Variants in NTRK3 observed in about 807,000 individuals in gnomAD.
NTRK3 encodes the protein NT-3 growth factor receptor.
In NTRK3, 24 loss-of-function variants were observed where a neutral mutation model predicts 91.7. The observed-to-expected ratio is 0.26, with a 90% CI of 0.19 to 0.37. The LOEUF is 0.37. NTRK3 is among the 10% of genes least tolerant of loss of function. The pLI, the probability that NTRK3 is intolerant of heterozygous loss-of-function variation, is 1.00. For synonymous variants in NTRK3, 483 were observed against 404.0 expected (o/e 1.20, Z -2.34); for missense variants, 880 against 1,068.9 (o/e 0.82, Z 2.46).
At chr15:87,955,460 G>A (rs2071559715) in intron 14 of NTRK3, among the ~76,000 whole-genome samples, 2 of 152,240 alleles carry the variant, frequency 1.3e-5, no homozygotes, top group African/African-American at 4.8e-5. Flanking sequence ...CAGGGAACCT[G>A]GAGGGCAGCC....
At chr15:87,980,549 GTGTA>G (rs1486829898) in intron 14 of NTRK3, among the ~76,000 whole-genome samples, 2 of 152,198 alleles carry the variant, frequency 1.3e-5, no homozygotes, top group Non-Finnish European at 2.9e-5. Flanking sequence ...GTGTTTGAAT[GTGTA>G]TGTGTGTGTG....
chr15:87,900,579 T>C (rs934683937), intron 17 of NTRK3, among the ~76,000 whole-genome samples: 3 of 152,156 alleles, frequency 2.0e-5, no homozygotes, highest in Non-Finnish European at 4.4e-5. Flanking sequence ...TGCTCAAAAA[T>C]TGCATGAGCA....
At position 88,243,536 on chromosome 15, in the gene NTRK3, G is replaced by GCACA. The variant is rs4034771; in HGVS notation, c.248+12366_248+12369dup. Among the ~76,000 whole-genome samples the GCACA allele has an allele frequency of 0.019, 2,758 of 145,866 alleles. 52 individuals are homozygous for GCACA. The highest frequency in any genetic ancestry group is 0.055 in the African/African-American group (2,126 of 38,412). ...CACTTGATCCCATCCCCCATAGCAT[G>GCACA]CACACACACACACACACACACACAC... On this transcript the variant is annotated intron_variant, in intron 3 of 18. Transcript: ENST00000394480. This position sits in a 1 kb window ranked among gnomAD's most constrained non-coding sequence, Gnocchi z 4.8.
chr15:87,931,826 T>C (rs1374867077), intron 16 of NTRK3, among the ~76,000 whole-genome samples: 1 of 152,234 alleles, frequency 6.6e-6, no homozygotes, highest in Non-Finnish European at 1.5e-5. Context: ...AATGTCCCAC[T>C]TCAAGAGGAT....
intron 13 of NTRK3, among the ~76,000 whole-genome samples, chr15:88,084,502 G>A (rs1326695497): frequency 6.6e-6 from 1 of 152,206 alleles, no homozygotes; most frequent in Non-Finnish European, 1.5e-5. Context: ...GCTGCAAGCA[G>A]GTTCCTCTGG....
intron 3 of NTRK3, among the ~76,000 whole-genome samples, chr15:88,189,371 G>C (rs184481327): frequency 6.6e-6 from 1 of 152,176 alleles, no homozygotes; most frequent in East Asian, 1.9e-4. Flanking sequence ...ATACATTCAT[G>C]GGGACTACAA....
At chr15:87,980,680 T>C (rs1281902840) in intron 14 of NTRK3, among the ~76,000 whole-genome samples, 1 of 152,128 alleles carries the variant, frequency 6.6e-6, no homozygotes, top group African/African-American at 2.4e-5. Context: ...CAAAATTTGA[T>C]TGCATTGAGA....
chr15:88,011,780 C>T (rs1177512226), intron 14 of NTRK3, among the ~76,000 whole-genome samples: 1 of 152,164 alleles, frequency 6.6e-6, no homozygotes, highest in African/African-American at 2.4e-5. Flanking sequence ...GTCTGCACAG[C>T]CAGATACTGC....
chr15:88,029,477 A>G (rs148056769), intron 14 of NTRK3, among the ~76,000 whole-genome samples: 8 of 152,354 alleles, frequency 5.3e-5, no homozygotes, highest in African/African-American at 1.2e-4. Flanking sequence ...TAATAAATAC[A>G]TAAGTACAGA....
At position 88,256,497 on chromosome 15, in the gene NTRK3, T is replaced by G. The variant is rs2054068620; in HGVS notation, c.-218-11A>C. 1 of 508,526 alleles carries G rather than the reference T, an allele frequency of 2.0e-6. No homozygotes were observed. Among genetic ancestry groups the G allele is most frequent in the African/African-American group, 2.1e-5 (1 of 46,904 alleles). The allele number at this position is 508,526 out of a possible 1,614,324, so 31.5% of individuals were successfully genotyped here. ...TCTCCGACTCCGAGACTTTGCAGGG[T>G]TGCAACAGACGGTGGGGAGGCAAAA... On this transcript the variant is annotated splice_polypyrimidine_tract_variant and intron_variant, in intron 1 of 18. Coordinates refer to ENST00000394480, the Ensembl canonical transcript of NTRK3.
intron 5 of NTRK3, among the ~76,000 whole-genome samples, chr15:88,159,221 C>T (rs1393324730): frequency 6.6e-6 from 1 of 152,238 alleles, no homozygotes; most frequent in Non-Finnish European, 1.5e-5. Context: ...ATCTATGACT[C>T]TCTTAAAAAC....
chr15:87,981,280 T>C, intron 14 of NTRK3: 2 of 1,592,274 alleles, frequency 1.3e-6, no homozygotes, highest in East Asian at 2.2e-5. Context: ...TCCTCATATA[T>C]ATAGTGAGTT....
exon 17 of NTRK3, chr15:87,929,312 G>A (rs2068589613): frequency 6.2e-7 from 1 of 1,613,910 alleles, no homozygotes; most frequent in Admixed American, 1.7e-5. Flanking sequence ...GTGCTGGGAG[G>A]CCAGGTACAC....
intron 14 of NTRK3, among the ~76,000 whole-genome samples, chr15:87,986,097 C>A (rs2074754061): frequency 6.6e-6 from 1 of 152,220 alleles, no homozygotes; most frequent in Admixed American, 6.5e-5. Flanking sequence ...TCTCAGAATT[C>A]ACTAAATAAG....
chr15:88,221,175 A>T (rs2050200251), intron 3 of NTRK3, among the ~76,000 whole-genome samples: 1 of 152,246 alleles, frequency 6.6e-6, no homozygotes, highest in Non-Finnish European at 1.5e-5. Flanking sequence ...AAGTCTGGAA[A>T]AACTGAAAAC....
At chr15:87,968,068 A>G (rs1033527431) in intron 14 of NTRK3, among the ~76,000 whole-genome samples, 1 of 152,188 alleles carries the variant, frequency 6.6e-6, no homozygotes, top group Non-Finnish European at 1.5e-5. Flanking sequence ...TTTCCCAGCA[A>G]TAGTAAGATA....
chr15:88,120,513 G>C (rs2052587203), intron 13 of NTRK3, among the ~76,000 whole-genome samples: 1 of 152,218 alleles, frequency 6.6e-6, no homozygotes, highest in Non-Finnish European at 1.5e-5. Context: ...CCAAGCAGCA[G>C]TTCTTGATGC....
chr15:88,052,197 T>G (rs1252428395), intron 13 of NTRK3, among the ~76,000 whole-genome samples: 2 of 152,222 alleles, frequency 1.3e-5, no homozygotes, highest in East Asian at 3.8e-4. Context: ...ACATCTAAAA[T>G]AGCTCCAAGA....
At chr15:88,016,946 A>G (rs2077273430) in intron 14 of NTRK3, among the ~76,000 whole-genome samples, 1 of 142,292 alleles carries the variant, frequency 7.0e-6, no homozygotes, top group South Asian at 2.4e-4. Flanking sequence ...AAAATGGAAG[A>G]GACGAAGCTT....
Sources: gnomAD v4.1 joint callset for allele counts (sites outside exome capture counted in the v4.1 genomes callset) on GRCh38, gnomAD v4.1.1 for gene constraint, Gnocchi (gnomAD v3.1) non-coding constraint, MANE v1.5 for transcripts, NCBI Gene and HGNC (gene_info 2026-07-23, HGNC 2026-07-21) for gene names.